Variants in PEBP4 observed in about 807,000 individuals in gnomAD.
PEBP4 encodes the protein phosphatidylethanolamine-binding protein 4.
A neutral mutation model predicts 23.9 loss-of-function variants in PEBP4; 22 were observed. That is an observed-to-expected ratio of 0.92 (90% CI 0.66 to 1.31). The LOEUF is 1.31. Among genes scored for constraint, PEBP4 ranks in the 40% most tolerant of loss-of-function variants. The pLI is 0.00. For synonymous variants in PEBP4, 112 were observed against 99.3 expected (o/e 1.13, Z -0.76); for missense variants, 324 against 281.7 (o/e 1.15, Z -1.07).
intron 3 of PEBP4, among the ~76,000 whole-genome samples, chr8:22,882,172 T>C (rs1419251991): frequency 6.6e-6 from 1 of 152,222 alleles, no homozygotes; most frequent in African/African-American, 2.4e-5. Context: ...CATTTAGAAC[T>C]GGGATCCATC....
intron 3 of PEBP4, among the ~76,000 whole-genome samples, chr8:22,907,610 G>C (rs1276106157): frequency 6.6e-6 from 1 of 152,194 alleles, no homozygotes; most frequent in Non-Finnish European, 1.5e-5. Flanking sequence ...GGTCAGAGAA[G>C]TGAAGAGGTG....
intron 3 of PEBP4, among the ~76,000 whole-genome samples, chr8:22,830,870 A>G (rs1443342536): frequency 2.6e-5 from 4 of 152,158 alleles, no homozygotes; most frequent in African/African-American, 7.2e-5. Flanking sequence ...AACCCTAAGC[A>G]ATTTTCTACA....
intron 4 of PEBP4, among the ~76,000 whole-genome samples, chr8:22,741,618 G>A (rs1001522677): frequency 2.7e-4 from 41 of 152,138 alleles, no homozygotes; most frequent in Non-Finnish European, 4.6e-4. Context: ...GTGACCCAGC[G>A]GAACCTGGGT....
At chr8:22,803,136 G>A (rs1245600078) in intron 4 of PEBP4, among the ~76,000 whole-genome samples, 1 of 152,086 alleles carries the variant, frequency 6.6e-6, no homozygotes, top group Non-Finnish European at 1.5e-5. Flanking sequence ...GTTCTAAGTG[G>A]GCTGGGGTTA....
chr8:22,903,093 T>C (rs866358055), intron 3 of PEBP4, among the ~76,000 whole-genome samples: 1 of 152,218 alleles, frequency 6.6e-6, no homozygotes, highest in African/African-American at 2.4e-5. Flanking sequence ...CATCTCGCTC[T>C]GATAGCCTTC....
intron 4 of PEBP4, among the ~76,000 whole-genome samples, chr8:22,740,781 G>C (rs1423009683): frequency 2.0e-5 from 3 of 152,190 alleles, no homozygotes; most frequent in Non-Finnish European, 2.9e-5. Context: ...GAGGGGCTGG[G>C]CCAGACCTGA....
At chr8:22,808,644 A>G (rs1361014507) in intron 4 of PEBP4, among the ~76,000 whole-genome samples, 1 of 152,162 alleles carries the variant, frequency 6.6e-6, no homozygotes, top group Non-Finnish European at 1.5e-5. Flanking sequence ...CTGGGCCTTG[A>G]AGTAGGAGGA....
At chr8:22,905,729 G>A (rs1355242757) in intron 3 of PEBP4, among the ~76,000 whole-genome samples, 8 of 152,334 alleles carry the variant, frequency 5.3e-5, no homozygotes, top group Admixed American at 2.0e-4. Flanking sequence ...CCTGCCTGCT[G>A]CTCCCACCTC....
intron 4 of PEBP4, among the ~76,000 whole-genome samples, chr8:22,777,663 G>A (rs1381877192): frequency 6.6e-6 from 1 of 152,162 alleles, no homozygotes; most frequent in Non-Finnish European, 1.5e-5. Context: ...CCAGAGCCGG[G>A]GGTGGTGGCT....
At chr8:22,732,889 C>T (rs1459231558) in intron 4 of PEBP4, among the ~76,000 whole-genome samples, 1 of 152,140 alleles carries the variant, frequency 6.6e-6, no homozygotes, top group Non-Finnish European at 1.5e-5. Context: ...GGCAAGCTAG[C>T]CTGGAACTTG....
intron 4 of PEBP4, among the ~76,000 whole-genome samples, chr8:22,816,276 C>G (rs918006164): frequency 6.6e-6 from 1 of 152,206 alleles, no homozygotes; most frequent in African/African-American, 2.4e-5. Flanking sequence ...CTGCTTGGGT[C>G]TCCCTTGAGG....
rs1429349096 is a variant in PEBP4 at position 22,927,535 on chromosome 8, C to T, written c.131+49G>A. ...GGATATACCCCTCCCTGCCATCTAC[C>T]TGCCTGGTAGCCTCTGTGCCTCCCG... On this transcript the variant is annotated intron_variant, in intron 2 of 6. Coordinates refer to ENST00000256404, the MANE Select transcript of PEBP4 (RefSeq NM_144962.3). 4 of 1,570,002 alleles carry T rather than the reference C, an allele frequency of 2.5e-6. No homozygotes were observed. In the African/African-American group the frequency reaches 4.1e-5, roughly 16 times the overall value.
At chr8:22,868,815 C>T (rs888138579) in intron 3 of PEBP4, among the ~76,000 whole-genome samples, 1 of 152,056 alleles carries the variant, frequency 6.6e-6, no homozygotes, top group African/African-American at 2.4e-5. Context: ...TGGATTATCA[C>T]ACTTAGCCTC....
chr8:22,940,530 C>T, intron 1 of PEBP4, among the ~76,000 whole-genome samples: 1 of 134,726 alleles, frequency 7.4e-6, no homozygotes, highest in East Asian at 2.1e-4. Context: ...GCTCTGTCAC[C>T]CAGGCTGGAG....
In PEBP4 at chr8:22,866,758, C is replaced by CT. The variant is rs369916075; in HGVS notation, c.259-49024dup. ...AATGATGAGTGATTTTTGTTTTCTT[C>CT]TTTTTTTTTTATAAGCGCCATATTT... On this transcript the variant is annotated intron_variant, in intron 3 of 6. Transcript: ENST00000256404. Among the ~76,000 whole-genome samples, 344 of 147,920 alleles carry CT rather than the reference C, an allele frequency of 2.3e-3. 1 individual carries two copies. The highest frequency in any genetic ancestry group is 6.7e-3 in the African/African-American group (271 of 40,456).
intron 4 of PEBP4, among the ~76,000 whole-genome samples, chr8:22,816,030 C>T (rs996398232): frequency 5.9e-5 from 9 of 152,226 alleles, no homozygotes; most frequent in African/African-American, 1.9e-4. Context: ...GGCAATACTT[C>T]TCTCTTGAGT....
intron 3 of PEBP4, among the ~76,000 whole-genome samples, chr8:22,906,422 C>A (rs1808814972): frequency 1.3e-5 from 2 of 152,294 alleles, no homozygotes; most frequent in South Asian, 2.1e-4. Context: ...AGCCATGTGT[C>A]CAGCCTTGTA....
chr8:22,774,622 G>A (rs909422722), intron 4 of PEBP4, among the ~76,000 whole-genome samples: 4 of 152,160 alleles, frequency 2.6e-5, no homozygotes, highest in Non-Finnish European at 5.9e-5. Context: ...CCCTCCACCT[G>A]GCAAACCCAG....
chr8:22,826,385 T>C (rs1444636892), intron 3 of PEBP4, among the ~76,000 whole-genome samples: 2 of 152,188 alleles, frequency 1.3e-5, no homozygotes, highest in Non-Finnish European at 2.9e-5. Flanking sequence ...ACTCAGTGAT[T>C]CCACTTCCGT....
Sources: gnomAD v4.1 joint callset for allele counts (sites outside exome capture counted in the v4.1 genomes callset) on GRCh38, gnomAD v4.1.1 for gene constraint, MANE v1.5 for transcripts, NCBI Gene and HGNC (gene_info 2026-07-23, HGNC 2026-07-21) for gene names.